The following PLEKHB1 variants were observed in gnomAD, a reference collection of about 807,000 sequenced individuals.
PLEKHB1 encodes pleckstrin homology domain-containing family B member 1.
A neutral mutation model predicts 36.2 loss-of-function variants in PLEKHB1; 29 were observed. That is an observed-to-expected ratio of 0.80 (90% CI 0.60 to 1.09). PLEKHB1 has a LOEUF of 1.09. Ranked by LOEUF, PLEKHB1 falls within the 50% of genes least tolerant of loss-of-function variation. PLEKHB1 has a pLI of 0.00. For synonymous variants in PLEKHB1, 138 were observed against 140.0 expected, an observed-to-expected ratio of 0.99 and a Z score of 0.10; for missense variants, 330 against 348.2, an observed-to-expected ratio of 0.95 and a Z score of 0.42.
chr11:73,661,614 C>T lies in PLEKHB1; in HGVS notation c.*12C>T, dbSNP rs2134834998. 6.4e-7 allele frequency: 1 copy of T among 1,568,544 alleles called. No homozygotes were observed. The highest frequency in any genetic ancestry group is 2.3e-5 in the East Asian group (1 of 44,330). On this transcript the variant is annotated 3_prime_UTR_variant, in exon 8 of 8. Coordinates refer to ENST00000354190, the MANE Select transcript of PLEKHB1 (RefSeq NM_021200.3). This position sits in a 1 kb window ranked among gnomAD's most constrained non-coding sequence, Gnocchi z 4.6. ...CCTGCTGGTTCTGAGCCCTGGGACTCGGAGCACTGACCCCTGCGCTTGGAT... is the reference window on the plus strand; with the variant it reads ...CCTGCTGGTTCTGAGCCCTGGGACTTGGAGCACTGACCCCTGCGCTTGGAT...
chr11:73,647,637 A>G (rs1473534018), intron 1 of PLEKHB1: 14 of 985,234 alleles, frequency 1.4e-5, no homozygotes, highest in Non-Finnish European at 1.7e-5. Context: ...GAAATGCCCC[A>G]GGCTCTCCGG....
In PLEKHB1 at chr11:73,655,926, C is replaced by G. The variant is rs1204053963; in HGVS notation, c.495+19C>G. On this transcript the variant is annotated intron_variant, in intron 6 of 7. Coordinates refer to ENST00000354190, the MANE Select transcript of PLEKHB1 (RefSeq NM_021200.3). ...GATCTGGGTAAGTGCTGGCTCGGCC[C>G]TCCCTGCCTCCATACTGGCCACCAG... The G allele has an allele frequency of 5.6e-6, 9 of 1,606,054 alleles. No individual in the cohort carries two copies. Among genetic ancestry groups the G allele is most frequent in the African/African-American group, 1.3e-5 (1 of 74,764 alleles).
chr11:73,655,950 A>G, intron 6 of PLEKHB1, 43 bp downstream of exon 6: 1 of 1,552,264 alleles, frequency 6.4e-7, no homozygotes, highest in Non-Finnish European at 8.9e-7. Context: ...ACTGGCCACC[A>G]GGATGAGCCT....
At chr11:73,648,525 T>C (rs1451555217) in intron 1 of PLEKHB1, among the ~76,000 whole-genome samples, 2 of 152,092 alleles carry the variant, frequency 1.3e-5, no homozygotes. Flanking sequence ...GGAGGGAGCT[T>C]TTCCCTCATC....
In PLEKHB1 at chr11:73,661,390, G is replaced by C; in HGVS notation, c.596-76G>C. The C allele has an allele frequency of 1.3e-6, 2 of 1,544,824 alleles. No homozygotes were observed. Among genetic ancestry groups the C allele is most frequent in the Non-Finnish European group, 1.8e-6 (2 of 1,122,486 alleles). ...GCGCCTTACACTGGGTTGGGCTGGA[G>C]TGATGCAGGAAGGGTACGAAGATCA... On this transcript the variant is annotated intron_variant, in intron 7 of 7. Coordinates refer to ENST00000354190, the MANE Select transcript of PLEKHB1 (RefSeq NM_021200.3). The surrounding 1 kb of genome is among the most constrained non-coding windows in gnomAD (Gnocchi z 4.6).
Position 73,652,999 on chromosome 11 carries a change from G to T in PLEKHB1, c.375G>T (p.Glu125Asp). The change falls in exon 5 of 8, where the codon GAG (glutamate) becomes GAT (aspartate). Residue 125 changes from glutamate (E) to aspartate (D), a missense_variant. By Grantham distance (45) the Glu-to-Asp change is conservative (BLOSUM62 2). Coordinates refer to ENST00000354190, the MANE Select transcript of PLEKHB1 (RefSeq NM_021200.3). ...GAGCATGGAAGACAGCACTGCTGGAGGCAAACTCCACCCCGGTGAGTCTCC... is the reference window on the plus strand; with the variant it reads ...GAGCATGGAAGACAGCACTGCTGGATGCAAACTCCACCCCGGTGAGTCTCC... ...DALAWKTALL[E>D]ANSTPAPAGA... The T allele has an allele frequency of 6.2e-7, 1 of 1,609,962 alleles. No homozygotes were observed. Among genetic ancestry groups the T allele is most frequent in the African/African-American group, 1.3e-5 (1 of 74,966 alleles).
At chr11:73,655,072 CA>C (rs1378687901) in intron 5 of PLEKHB1, among the ~76,000 whole-genome samples, 1 of 152,130 alleles carries the variant, frequency 6.6e-6, no homozygotes, top group Non-Finnish European at 1.5e-5. Flanking sequence ...AAGTCAGTTC[CA>C]CCAAAGAGAG....
At chr11:73,660,972 A>T (rs1438040730) in intron 7 of PLEKHB1, 120 bp downstream of exon 7, 2 of 918,700 alleles carry the variant, frequency 2.2e-6, no homozygotes, top group East Asian at 5.3e-5. Flanking sequence ...GGATTTTCCC[A>T]GGCAGAACTC....
At chr11:73,646,839 T>C (rs1590785367) in intron 1 of PLEKHB1, among the ~76,000 whole-genome samples, 1 of 152,162 alleles carries the variant, frequency 6.6e-6, no homozygotes, top group East Asian at 1.9e-4. Flanking sequence ...TCTTCCTTTC[T>C]CCAGGTGGGC....
At chr11:73,656,786 AACAAGT>A (rs1343157746) in intron 6 of PLEKHB1, among the ~76,000 whole-genome samples, 1 of 152,174 alleles carries the variant, frequency 6.6e-6, no homozygotes, top group African/African-American at 2.4e-5. Context: ...AAGCACTAAT[AACAAGT>A]ATTCATGTTC....
intron 6 of PLEKHB1, among the ~76,000 whole-genome samples, chr11:73,656,119 A>C (rs1395320917): frequency 1.3e-5 from 2 of 152,174 alleles, no homozygotes; most frequent in East Asian, 3.9e-4. Flanking sequence ...CCCTCTGCTG[A>C]CAAGACCTCA....
At chr11:73,650,200 G>A (rs1944859006) in intron 2 of PLEKHB1, among the ~76,000 whole-genome samples, 1 of 152,214 alleles carries the variant, frequency 6.6e-6, no homozygotes, top group Non-Finnish European at 1.5e-5. Flanking sequence ...GAGTGACAGA[G>A]CAAGACCCTG....
In PLEKHB1 at chr11:73,651,154, A is replaced by G. The variant is rs555031975; in HGVS notation, c.247+449A>G. On this transcript the variant is annotated intron_variant, in intron 3 of 7. Coordinates refer to ENST00000354190, the MANE Select transcript of PLEKHB1 (RefSeq NM_021200.3). ...TTACTTGAGTCTAGAGTTCAAGACCAGCCTGGGCAACATGGCAAAACCCCG... is the reference window on the plus strand; with the variant it reads ...TTACTTGAGTCTAGAGTTCAAGACCGGCCTGGGCAACATGGCAAAACCCCG... 2.6e-5 allele frequency among the ~76,000 whole-genome samples: 4 copies of G among 152,062 alleles called. No homozygotes were observed. The South Asian group carries it at 8.3e-4, about 32-fold the overall frequency.
intron 1 of PLEKHB1, among the ~76,000 whole-genome samples, chr11:73,646,938 C>T (rs989169991): frequency 2.0e-5 from 3 of 152,186 alleles, no homozygotes; most frequent in Non-Finnish European, 4.4e-5. Context: ...AACTCCCACC[C>T]CCAGCTCCAG....
rs749433250 is a variant in PLEKHB1, at chr11:73,651,864, C to G, written c.324C>G (p.Leu108=). 1.2e-6 allele frequency: 2 copies of G among 1,613,554 alleles called. No homozygotes were observed. The highest frequency in any genetic ancestry group is 2.2e-5 in the East Asian group (1 of 44,878). ...TACGGGAAGGCGGCCGCCTGCACCT[C>G]TGTGCGGAGACCAAGGATGATGCCC... ...VNLREGGRLH[L]CAETKDDALA... is the part of the protein sequence containing the mutation. The change falls in exon 4 of 8, where the codon CTC becomes CTG. Residue 108 remains leucine, a synonymous_variant. Coordinates refer to ENST00000354190, the MANE Select transcript of PLEKHB1 (RefSeq NM_021200.3).
chr11:73,660,985 C>T (rs1362001067), intron 7 of PLEKHB1, 133 bp downstream of exon 7: 2 of 802,364 alleles, frequency 2.5e-6, no homozygotes, highest in African/African-American at 1.7e-5. Context: ...CAGAACTCTC[C>T]GCAAGCCCCT....
intron 2 of PLEKHB1, 107 bp downstream of exon 2, chr11:73,649,194 C>T: frequency 2.2e-6 from 3 of 1,347,790 alleles, no homozygotes; most frequent in Non-Finnish European, 3.0e-6. Flanking sequence ...TTCATCCTTC[C>T]CTTGTTTGTC....
At chr11:73,659,226 C>CA (rs5792624) in intron 6 of PLEKHB1, among the ~76,000 whole-genome samples, 106,497 of 142,526 alleles carry the variant, frequency 0.75, 40,380 homozygotes, top group South Asian at 0.92. Flanking sequence ...AACTCTGTCT[C>CA]AAAAAAAAAA....
At position 73,650,668 on chromosome 11, in the gene PLEKHB1, C is replaced by A; in HGVS notation, c.210C>A (p.Phe70Leu). ...AGGAGGACCGTGTGCTCATCCACTT[C>A]AATGTCCGTGACATAAAGATCGGCC... ...QDEEDRVLIH[F>L]NVRDIKIGPE... Residue 70 changes from phenylalanine (F) to leucine (L), a missense_variant, in exon 3 of 8, where the codon TTC becomes TTA. Transcript: ENST00000354190. 8.1e-6 allele frequency: 13 copies of A among 1,610,482 alleles called. No homozygotes were observed. Among genetic ancestry groups the A allele is most frequent in the Non-Finnish European group, 1.1e-5 (13 of 1,178,326 alleles).
Sources: gnomAD v4.1 joint callset for allele counts (sites outside exome capture counted in the v4.1 genomes callset) on GRCh38, gnomAD v4.1.1 for gene constraint, Gnocchi (gnomAD v3.1) non-coding constraint, MANE v1.5 for transcripts, NCBI Gene and HGNC (gene_info 2026-07-23, HGNC 2026-07-21) for gene names.